The following PPBP variants were observed in gnomAD, a reference collection of about 807,000 sequenced individuals.
The protein encoded by PPBP is pro-platelet basic protein, also known as platelet basic protein.
A neutral mutation model predicts 8.3 loss-of-function variants in PPBP; 8 were observed. The ratio of observed to expected loss-of-function variants is 0.97; its 90% CI spans 0.57 to 1.75. The LOEUF (loss-of-function observed/expected upper bound fraction) is 1.75. Among genes scored for constraint, PPBP ranks in the 40% most tolerant of loss-of-function variants. PPBP has a pLI of 0.00. For missense variants in PPBP, 169 were observed against 149.2 expected, an observed-to-expected ratio of 1.13 and a Z score of -0.69; for synonymous variants, 64 against 58.9, an observed-to-expected ratio of 1.09 and a Z score of -0.40.
chr4:73,987,678 G>T, intron 1 of PPBP, 26 bp from the exon 2 acceptor site: 1 of 1,601,416 alleles, frequency 6.2e-7, no homozygotes, highest in Non-Finnish European at 8.6e-7. Flanking sequence ...TGACCTATTG[G>T]TGGTCATGAA....
rs1718987874 is a variant in PPBP, at chr4:73,987,214, A to C, written c.*58T>G. 1 of 1,423,302 alleles carries C rather than the reference A, an allele frequency of 7.0e-7. No homozygotes were observed. Among genetic ancestry groups the C allele is most frequent in the South Asian group, 1.2e-5 (1 of 85,976 alleles). The allele number at this position is 1,423,302 out of a possible 1,614,324, so 88.2% of individuals were successfully genotyped here. A position where few individuals can be genotyped will look rare whatever the true frequency, so the allele number is the denominator to read the frequency against. ...AATAAATGAGAACTCTAGAAAATCAAGGTTTCAAAATTCTACCCTTCCTGG... is the reference window on the plus strand; with the variant it reads ...AATAAATGAGAACTCTAGAAAATCACGGTTTCAAAATTCTACCCTTCCTGG... On this transcript the variant is annotated 3_prime_UTR_variant, in exon 3 of 3. Transcript: ENST00000296028.
Position 73,988,095 on chromosome 4 carries a change from G to A in PPBP, c.9C>T (p.Leu3=), listed in dbSNP as rs761242980. 3 of 1,613,956 alleles carry A rather than the reference G, an allele frequency of 1.9e-6. No homozygotes were observed. The highest frequency in any genetic ancestry group is 3.3e-5 in the Admixed American group (2 of 60,006). The change falls in exon 1 of 3, where the codon CTC becomes CTT. Residue 3 remains leucine, a synonymous_variant. Coordinates refer to ENST00000296028, the MANE Select transcript of PPBP (RefSeq NM_002704.3). The part of the protein sequence containing the change: MS[L]RLDTTPSCNS... ...TACAGGAAGGGGTGGTATCAAGTCT[G>A]AGGCTCATGGTGGAGAAGGCTGAGC...
rs963722654 is a variant in PPBP, at chr4:73,986,869, G to A, written c.*403C>T. ...AAATATATTAACAAAAATGTATTGA[G>A]CAAATATTCTCTGTTGGGCTCCATG... On this transcript the variant is annotated 3_prime_UTR_variant, in exon 3 of 3. Transcript: ENST00000296028. 1.3e-5 allele frequency among the ~76,000 whole-genome samples: 2 copies of A among 152,116 alleles called. No individual in the cohort carries two copies. Among genetic ancestry groups the A allele is most frequent in the Non-Finnish European group, 2.9e-5 (2 of 68,010 alleles).
rs140669044 is a variant in PPBP, at chr4:73,987,935, G to A, written c.148+21C>T. 3,496 of 1,614,026 alleles carry A rather than the reference G, an allele frequency of 2.2e-3. 2 individuals carry two copies. Among genetic ancestry groups the A allele is most frequent in the Admixed American group, 6.2e-3 (375 of 60,006 alleles). ...AGGTGTAGCAGAAGCAGCAACAAGTGCAGAGAAGCAGGGCCTCTACCTTTG... is the reference window on the plus strand; with the variant it reads ...AGGTGTAGCAGAAGCAGCAACAAGTACAGAGAAGCAGGGCCTCTACCTTTG... On this transcript the variant is annotated intron_variant, in intron 1 of 2. Coordinates refer to ENST00000296028, the MANE Select transcript of PPBP (RefSeq NM_002704.3).
rs1408715914 is a variant in PPBP, at chr4:73,986,878, C to T, written c.*394G>A. ...AACAAAAATGTATTGAGCAAATATT[C>T]TCTGTTGGGCTCCATGTAATTCCTA... On this transcript the variant is annotated 3_prime_UTR_variant, in exon 3 of 3. Transcript: ENST00000296028. Among the ~76,000 whole-genome samples, 1 of 152,118 alleles carries T rather than the reference C, an allele frequency of 6.6e-6. No individual in the cohort carries two copies. The highest frequency in any genetic ancestry group is 1.5e-5 in the Non-Finnish European group (1 of 68,016).
rs1478621754 is a variant in PPBP, at chr4:73,987,464, A to T, written c.284+53T>A. 3 of 1,609,662 alleles carry T rather than the reference A, an allele frequency of 1.9e-6. No homozygotes were observed. The African/African-American group carries it at 4.0e-5, about 22-fold the overall frequency. The stretch of plus-strand genomic sequence containing the variant: ...CTGGAGGAAACGAGTGCATATGTGG[A>T]TGGAGGTAGAGGGTTTCTCTGATAA... On this transcript the variant is annotated intron_variant, in intron 2 of 2. Transcript: ENST00000296028.
chr4:73,987,894 T>G, intron 1 of PPBP, 62 bp downstream of exon 1: 1 of 1,608,880 alleles, frequency 6.2e-7, no homozygotes, highest in Non-Finnish European at 8.5e-7. Context: ...ACCAAGCTAG[T>G]CTTTACCCCA....
rs750169408 is a variant in PPBP, at chr4:73,987,036, T to A, written c.*236A>T. On this transcript the variant is annotated 3_prime_UTR_variant, in exon 3 of 3. Coordinates refer to ENST00000296028, the MANE Select transcript of PPBP (RefSeq NM_002704.3). ...GAAAAAAATGCAAAGTACAGTCCAA[T>A]GTTTAGGCAAGAATTAGAGGGTTGA... 1 of 524,186 alleles carries A rather than the reference T, an allele frequency of 1.9e-6. No homozygotes were observed. The highest frequency in any genetic ancestry group is 3.4e-6 in the Non-Finnish European group (1 of 297,722). 32.5% of individuals were successfully genotyped at this position (524,186 alleles called of 1,614,324 possible). A position where few individuals can be genotyped will look rare whatever the true frequency, so the allele number is the denominator to read the frequency against.
At chr4:73,987,457 T>C in intron 2 of PPBP, 60 bp downstream of exon 2, 1 of 1,608,620 alleles carries the variant, frequency 6.2e-7, no homozygotes, top group South Asian at 1.1e-5. Context: ...AACGAGTGCA[T>C]ATGTGGATGG....
In PPBP at chr4:73,987,103, A is replaced by G. The variant is rs1718985825; in HGVS notation, c.*169T>C. ...TTTCATCTTCTTTCTGCCATCTTTT[A>G]ACCAACCTTCTCAGAATAAAATGTG... On this transcript the variant is annotated 3_prime_UTR_variant, in exon 3 of 3. Coordinates refer to ENST00000296028, the MANE Select transcript of PPBP (RefSeq NM_002704.3). 1 of 655,004 alleles carries G rather than the reference A, an allele frequency of 1.5e-6. No homozygotes were observed. The highest frequency in any genetic ancestry group is 2.6e-6 in the Non-Finnish European group (1 of 385,614). The allele number at this position is 655,004 out of a possible 1,614,324, so 40.6% of individuals were successfully genotyped here. A position where few individuals can be genotyped will look rare whatever the true frequency, so the allele number is the denominator to read the frequency against.
Position 73,987,584 on chromosome 4 carries a change from G to A in PPBP, c.217C>T (p.His73Tyr), listed in dbSNP as rs745503298. 25 of 1,613,970 alleles carry A rather than the reference G, an allele frequency of 1.5e-5. No individual in the cohort carries two copies. The South Asian group carries it at 2.5e-4, about 16-fold the overall frequency. Reference sequence around the variant, plus strand: ...TCCAAACTTTGGATGTTTTTGGGATGAATTCCAGAGGTTGTCTTTATACAC... The same window carrying A: ...TCCAAACTTTGGATGTTTTTGGGATAAATTCCAGAGGTTGTCTTTATACAC... Reference protein sequence around the residue: ...CMCIKTTSGIHPKNIQSLEVI... With the variant: ...CMCIKTTSGIYPKNIQSLEVI... The change falls in exon 2 of 3, where the codon CAT (histidine) becomes TAT (tyrosine). Residue 73 changes from histidine (H) to tyrosine (Y), a missense_variant. By Grantham distance (83) the His-to-Tyr change is moderately conservative (BLOSUM62 2). Coordinates refer to ENST00000296028, the MANE Select transcript of PPBP (RefSeq NM_002704.3).
Position 73,987,171 on chromosome 4 carries a change from G to A in PPBP, c.*101C>T, listed in dbSNP as rs1718986959. On this transcript the variant is annotated 3_prime_UTR_variant, in exon 3 of 3. Transcript: ENST00000296028. ...AAACACATATCCAAATTTTAATACA[G>A]TAAGAATAGGTATCCTGAATAAATG... is the stretch of plus-strand genomic sequence containing the variant. The A allele has an allele frequency of 1.1e-5, 11 of 1,022,792 alleles. No homozygotes were observed. Among genetic ancestry groups the A allele is most frequent in the Non-Finnish European group, 1.6e-5 (11 of 677,864 alleles). The allele number at this position is 1,022,792 out of a possible 1,614,324, so 63.4% of individuals were successfully genotyped here.
Position 73,988,011 on chromosome 4 carries a change from A to C in PPBP, c.93T>G (p.Thr31=), listed in dbSNP as rs1289395749. ...QVLLLLSLLL[T]ALASSTKGQT... ...GTCCTTTGGTGGAGGAAGCCAGAGCAGTCAGCAGCAATGACAGAAGCAGCA... is the reference window on the plus strand; with the variant it reads ...GTCCTTTGGTGGAGGAAGCCAGAGCCGTCAGCAGCAATGACAGAAGCAGCA... The change falls in exon 1 of 3, where the codon ACT becomes ACG. Residue 31 remains threonine (T), a synonymous_variant. Transcript: ENST00000296028. The C allele has an allele frequency of 6.2e-7, 1 of 1,614,042 alleles. No homozygotes were observed. The highest frequency in any genetic ancestry group is 8.5e-7 in the Non-Finnish European group (1 of 1,179,988).
At position 73,987,324 on chromosome 4, in the gene PPBP, C is replaced by G; in HGVS notation, c.335G>C (p.Arg112Thr). 1 of 1,613,998 alleles carries G rather than the reference C, an allele frequency of 6.2e-7. No individual in the cohort carries two copies. ...RKICLDPDAP[R>T]IKKIVQKKLA... ...TTTTTTCTGTACAATTTTCTTGATT[C>G]TGGGAGCATCTGGGTCCAGGCAGAT... is the stretch of plus-strand genomic sequence containing the variant. The change falls in exon 3 of 3, where the codon AGA (arginine) becomes ACA (threonine). Residue 112 changes from arginine to threonine, a missense_variant. Arg to Thr is a moderately conservative substitution (Grantham distance 71). Coordinates refer to ENST00000296028, the MANE Select transcript of PPBP (RefSeq NM_002704.3).
In PPBP at chr4:73,987,171, G is replaced by C; in HGVS notation, c.*101C>G. On this transcript the variant is annotated 3_prime_UTR_variant, in exon 3 of 3. Coordinates refer to ENST00000296028, the MANE Select transcript of PPBP (RefSeq NM_002704.3). ...AAACACATATCCAAATTTTAATACA[G>C]TAAGAATAGGTATCCTGAATAAATG... The C allele has an allele frequency of 9.8e-7, 1 of 1,022,910 alleles. No homozygotes were observed. Among genetic ancestry groups the C allele is most frequent in the East Asian group, 2.5e-5 (1 of 40,564 alleles). 63.4% of individuals were successfully genotyped at this position (1,022,910 alleles called of 1,614,324 possible). A position where few individuals can be genotyped will look rare whatever the true frequency, so the allele number is the denominator to read the frequency against.
In PPBP at chr4:73,987,022, A is replaced by G. The variant is rs565587834; in HGVS notation, c.*250T>C. On this transcript the variant is annotated 3_prime_UTR_variant, in exon 3 of 3. Coordinates refer to ENST00000296028, the MANE Select transcript of PPBP (RefSeq NM_002704.3). ...TAGAAATTTTTAAAGAAAAAAATGC[A>G]AAGTACAGTCCAATGTTTAGGCAAG... is the stretch of plus-strand genomic sequence containing the variant. 3 of 449,292 alleles carry G rather than the reference A, an allele frequency of 6.7e-6. No individual in the cohort carries two copies. The highest frequency in any genetic ancestry group is 8.8e-5 in the East Asian group (2 of 22,824). The allele number at this position is 449,292 out of a possible 1,614,324, so 27.8% of individuals were successfully genotyped here. A position where few individuals can be genotyped will look rare whatever the true frequency, so the allele number is the denominator to read the frequency against.
chr4:73,987,708 A>G (rs1221995990), intron 1 of PPBP, 56 bp from the exon 2 acceptor site: 1 of 1,582,992 alleles, frequency 6.3e-7, no homozygotes, highest in African/African-American at 1.4e-5. Flanking sequence ...CAGGTCTCTT[A>G]TTTGCAGATT....
At position 73,986,512 on chromosome 4, in the gene PPBP, A is replaced by G. The variant is rs1560546162; in HGVS notation, c.*760T>C. ...GGGTATAAGTTTTAGGGTTTAAAAA[A>G]TGAATGAAAGTTCTGTTGATGAAAA... On this transcript the variant is annotated 3_prime_UTR_variant, in exon 3 of 3. Transcript: ENST00000296028. Among the ~76,000 whole-genome samples the G allele has an allele frequency of 6.6e-6, 1 of 152,178 alleles. No individual in the cohort carries two copies. The highest frequency in any genetic ancestry group is 1.5e-5 in the Non-Finnish European group (1 of 67,996).
rs73824590 is a variant in PPBP at position 73,986,864 on chromosome 4, A to G, written c.*408T>C. ...TTCCTAAATATATTAACAAAAATGTATTGAGCAAATATTCTCTGTTGGGCT... is the reference window on the plus strand; with the variant it reads ...TTCCTAAATATATTAACAAAAATGTGTTGAGCAAATATTCTCTGTTGGGCT... On this transcript the variant is annotated 3_prime_UTR_variant, in exon 3 of 3. Transcript: ENST00000296028. 0.017 allele frequency among the ~76,000 whole-genome samples: 2,551 copies of G among 152,336 alleles called. 38 individuals are homozygous for G. Among genetic ancestry groups the G allele is most frequent in the South Asian group, 0.05 (241 of 4,830 alleles).
Sources: allele counts gnomAD v4.1 joint callset (sites outside exome capture counted in the v4.1 genomes callset), GRCh38; gene constraint gnomAD v4.1.1; transcripts MANE v1.5; gene names NCBI Gene and HGNC (gene_info 2026-07-23, HGNC 2026-07-21).